The following UBXN2A variants were observed in gnomAD, a reference collection of about 807,000 sequenced individuals.
UBXN2A encodes the protein UBX domain protein 2A, also known as UBX domain-containing protein 2A.
In UBXN2A, 28 loss-of-function variants were observed where a neutral mutation model predicts 28.4. The observed-to-expected ratio is 0.99, with a 90% CI of 0.73 to 1.35. The LOEUF (loss-of-function observed/expected upper bound fraction) is 1.35, where lower values mean the gene tolerates loss of function less well. Ranked by LOEUF, UBXN2A falls within the 40% of genes most tolerant of loss-of-function variation. The probability of loss-of-function intolerance (pLI) is 0.00; values close to 1 mark genes in which losing one functional copy is unlikely to be tolerated. For missense variants in UBXN2A, 253 were observed against 297.9 expected, an observed-to-expected ratio of 0.85 and a Z score of 1.11; for synonymous variants, 97 against 103.6, an observed-to-expected ratio of 0.94 and a Z score of 0.39.
chr2:23,972,312 G>A (rs1043328482), intron 3 of UBXN2A, among the ~76,000 whole-genome samples: 1 of 152,134 alleles, frequency 6.6e-6, no homozygotes, highest in African/African-American at 2.4e-5. Flanking sequence ...CTGACATGAT[G>A]CTCAAAGGGA....
intron 1 of UBXN2A, among the ~76,000 whole-genome samples, chr2:23,950,129 G>C (rs1276054957): frequency 6.6e-6 from 1 of 151,092 alleles, no homozygotes; most frequent in Admixed American, 6.7e-5. Context: ...ATCTGGTAAA[G>C]AGAGTGAAAA....
chr2:23,928,708 A>G (rs1191729102), intron 1 of UBXN2A, among the ~76,000 whole-genome samples: 1 of 152,252 alleles, frequency 6.6e-6, no homozygotes, highest in Admixed American at 6.5e-5. Context: ...ACCAAATGGC[A>G]TCAAACTTAG....
intron 6 of UBXN2A, among the ~76,000 whole-genome samples, chr2:23,989,564 T>A (rs1425759257): frequency 1.3e-5 from 2 of 151,722 alleles, no homozygotes. Flanking sequence ...TATTTCTATA[T>A]TTTTATATAT....
chr2:23,955,215 G>A (rs1706563496), intron 1 of UBXN2A, among the ~76,000 whole-genome samples: 1 of 152,108 alleles, frequency 6.6e-6, no homozygotes, highest in East Asian at 1.9e-4. Flanking sequence ...ACAGGCGTGA[G>A]CCATCGCACC....
intron 1 of UBXN2A, among the ~76,000 whole-genome samples, chr2:23,949,334 G>A (rs1388119886): frequency 6.6e-6 from 1 of 151,828 alleles, no homozygotes; most frequent in Admixed American, 6.6e-5. Flanking sequence ...CACTGTGGGA[G>A]GCCGAGGTGG....
At position 24,004,889 on chromosome 2, in the gene UBXN2A, T is replaced by C. The variant is rs1708771222; in HGVS notation, c.*5022T>C. 1 of 152,244 alleles carries C rather than the reference T, an allele frequency of 6.6e-6. No homozygotes were observed. The highest frequency in any genetic ancestry group is 1.5e-5 in the Non-Finnish European group (1 of 68,036). The allele number at this position is 152,244 out of a possible 1,614,324, so 9.4% of individuals were successfully genotyped here. ...AGAACTGTTAATGAAATACTGTTCATTAAAAGGATCTGTGAAATCATTTAC... is the reference window on the plus strand; with the variant it reads ...AGAACTGTTAATGAAATACTGTTCACTAAAAGGATCTGTGAAATCATTTAC... On this transcript the variant is annotated 3_prime_UTR_variant, in exon 7 of 7. Coordinates refer to ENST00000309033, the MANE Select transcript of UBXN2A (RefSeq NM_181713.4).
chr2:23,989,009 G>T (rs1272925869), intron 6 of UBXN2A, among the ~76,000 whole-genome samples: 7 of 151,850 alleles, frequency 4.6e-5, no homozygotes, highest in Non-Finnish European at 1.0e-4. Context: ...GTGGACAGCG[G>T]TATTGACAAT....
At chr2:23,976,755 AT>A (rs891638438) in intron 3 of UBXN2A, among the ~76,000 whole-genome samples, 2 of 152,008 alleles carry the variant, frequency 1.3e-5, no homozygotes, top group African/African-American at 4.8e-5. Flanking sequence ...AATGATTTTG[AT>A]TTTTTGTGGA....
chr2:23,966,337 C>T (rs545005002), intron 2 of UBXN2A, among the ~76,000 whole-genome samples: 51 of 152,042 alleles, frequency 3.4e-4, no homozygotes, highest in Non-Finnish European at 2.9e-5. Flanking sequence ...GGGGTTTCAC[C>T]GTGTTGGCCA....
intron 1 of UBXN2A, among the ~76,000 whole-genome samples, chr2:23,940,882 C>CT (rs1332205364): frequency 1.5e-5 from 1 of 68,658 alleles, no homozygotes; most frequent in Non-Finnish European, 3.5e-5. Context: ...GAGCCCCTGA[C>CT]TCGCCTGCGG....
At chr2:23,958,009 C>T (rs1350623326) in intron 1 of UBXN2A, among the ~76,000 whole-genome samples, 1 of 152,182 alleles carries the variant, frequency 6.6e-6, no homozygotes, top group African/African-American at 2.4e-5. Flanking sequence ...ACCTTTTCCT[C>T]CCAAAGTGCT....
chr2:23,954,101 C>T (rs1322055660), intron 1 of UBXN2A, among the ~76,000 whole-genome samples: 1 of 152,120 alleles, frequency 6.6e-6, no homozygotes, highest in Non-Finnish European at 1.5e-5. Flanking sequence ...CAACCTCCGC[C>T]TCCCGGGTAC....
chr2:23,964,597 G>C (rs1211684670), intron 2 of UBXN2A, among the ~76,000 whole-genome samples: 1 of 152,108 alleles, frequency 6.6e-6, no homozygotes, highest in Non-Finnish European at 1.5e-5. Flanking sequence ...AGGGGCTAGG[G>C]GAAAGTGAAA....
intron 6 of UBXN2A, among the ~76,000 whole-genome samples, chr2:23,993,965 T>C (rs957361518): frequency 1.3e-5 from 2 of 152,202 alleles, no homozygotes; most frequent in African/African-American, 4.8e-5. Context: ...ATTACAGGCG[T>C]GAGTCACCGA....
At chr2:23,998,247 C>T (rs979617950) in intron 6 of UBXN2A, among the ~76,000 whole-genome samples, 11 of 152,108 alleles carry the variant, frequency 7.2e-5, no homozygotes, top group African/African-American at 2.4e-4. Flanking sequence ...ATTTTTCACT[C>T]ATCCAATATT....
intron 2 of UBXN2A, among the ~76,000 whole-genome samples, chr2:23,965,745 C>A (rs1707134625): frequency 6.6e-6 from 1 of 152,132 alleles, no homozygotes; most frequent in South Asian, 2.1e-4. Flanking sequence ...TAGAAGTATT[C>A]CCTCTGCTTC....
At chr2:23,984,192 A>G (rs1200938092) in intron 5 of UBXN2A, among the ~76,000 whole-genome samples, 1 of 152,218 alleles carries the variant, frequency 6.6e-6, no homozygotes, top group Non-Finnish European at 1.5e-5. Context: ...TTAAATTATC[A>G]AGATTGGTAA....
At position 24,001,411 on chromosome 2, in the gene UBXN2A, A is replaced by G. The variant is rs1708722279; in HGVS notation, c.*1544A>G. On this transcript the variant is annotated 3_prime_UTR_variant, in exon 7 of 7. Coordinates refer to ENST00000309033, the MANE Select transcript of UBXN2A (RefSeq NM_181713.4). ...TTTAACTAAATCCAGTTAGACCTCA[A>G]TTTTTCACTGTCAGATTAAATCCCC... 6.6e-6 allele frequency: 1 copy of G among 152,094 alleles called. No homozygotes were observed. The highest frequency in any genetic ancestry group is 1.5e-5 in the Non-Finnish European group (1 of 68,036). The allele number at this position is 152,094 out of a possible 1,614,324, so 9.4% of individuals were successfully genotyped here. A position where few individuals can be genotyped will look rare whatever the true frequency, so the allele number is the denominator to read the frequency against.
At chr2:23,979,346 A>G (rs571904723) in intron 4 of UBXN2A, among the ~76,000 whole-genome samples, 26 of 150,564 alleles carry the variant, frequency 1.7e-4, no homozygotes, top group African/African-American at 5.3e-4. Flanking sequence ...CTCTGTCTCA[A>G]AAAAAAAAAG....
Sources: gnomAD v4.1 joint callset for allele counts (sites outside exome capture counted in the v4.1 genomes callset) on GRCh38, gnomAD v4.1.1 for gene constraint, MANE v1.5 for transcripts, NCBI Gene and HGNC (gene_info 2026-07-23, HGNC 2026-07-21) for gene names.